Variants in NFU1 observed in about 807,000 individuals in gnomAD.
NFU1 encodes the protein NFU1 iron-sulfur cluster scaffold.
A neutral mutation model predicts 32.2 loss-of-function variants in NFU1; 30 were observed. That is an observed-to-expected ratio of 0.93 (90% confidence interval 0.70 to 1.26). The LOEUF is 1.26. Among genes scored for constraint, NFU1 ranks in the 50% most tolerant of loss-of-function variants. The probability of loss-of-function intolerance (pLI) is 0.00; values close to 1 mark genes in which losing one functional copy is unlikely to be tolerated. For missense variants in NFU1, 306 were observed against 306.6 expected, an observed-to-expected ratio of 1.00 and a Z score of 0.02; for synonymous variants, 112 against 104.6, an observed-to-expected ratio of 1.07 and a Z score of -0.43.
intron 6 of NFU1, among the ~76,000 whole-genome samples, chr2:69,404,208 T>G (rs376669600): frequency 6.6e-6 from 1 of 150,814 alleles, no homozygotes; most frequent in African/African-American, 2.4e-5. Flanking sequence ...TTGAAATATG[T>G]AGGCCGGGAG....
At chr2:69,396,664 A>G (rs534629285) in intron 7 of NFU1, among the ~76,000 whole-genome samples, 1 of 152,266 alleles carries the variant, frequency 6.6e-6, no homozygotes, top group South Asian at 2.1e-4. Flanking sequence ...AAAAAAAAAT[A>G]AAATAAAATA....
At chr2:69,429,064 A>G (rs1290611048) in intron 2 of NFU1, among the ~76,000 whole-genome samples, 1 of 152,248 alleles carries the variant, frequency 6.6e-6, no homozygotes, top group Non-Finnish European at 1.5e-5. Context: ...CATTTAAAAT[A>G]TGTATATTTC....
At chr2:69,429,016 C>A (rs1166087981) in intron 2 of NFU1, among the ~76,000 whole-genome samples, 1 of 152,038 alleles carries the variant, frequency 6.6e-6, no homozygotes, top group Non-Finnish European at 1.5e-5. Context: ...CAGACAATTC[C>A]TAAAAAATGA....
rs1177946128 is a variant in NFU1 at position 69,417,482 on chromosome 2, T to TA, written c.369+2055dup. On this transcript the variant is annotated intron_variant, in intron 4 of 7. Transcript: ENST00000410022. ...ACATAGAAGGACACTGTCTCTACAA[T>TA]AAAAAAAAATAAAAAAAAAATTAGC... 5.2e-3 allele frequency among the ~76,000 whole-genome samples: 524 copies of TA among 100,764 alleles called. 6 individuals carry two copies. The highest frequency in any genetic ancestry group is 0.021 in the African/African-American group (416 of 20,190). The allele number at this position is 100,764 out of a possible 152,430, so 66.1% of individuals were successfully genotyped here.
In NFU1 at chr2:69,431,979, T is replaced by C; in HGVS notation, c.89A>G (p.Tyr30Cys). The C allele has an allele frequency of 2.5e-6, 4 of 1,612,910 alleles. No homozygotes were observed. Among genetic ancestry groups the C allele is most frequent in the East Asian group, 2.2e-5 (1 of 44,848 alleles). Residue 30 changes from tyrosine (Y) to cysteine (C), a missense_variant, in exon 2 of 8, where the codon TAC becomes TGC. Tyr to Cys is a radical substitution (Grantham distance 194). Transcript: ENST00000410022. Reference sequence around the variant, plus strand: ...ATGCAGAGGCTGTTTCTTAATGGTGTATGGATTCTTCAACATATGACAGAA... The same window carrying C: ...ATGCAGAGGCTGTTTCTTAATGGTGCATGGATTCTTCAACATATGACAGAA... ...RRFCHMLKNP[Y>C]TIKKQPLHQF...
intron 1 of NFU1, among the ~76,000 whole-genome samples, chr2:69,432,487 T>C (rs1345946451): frequency 2.0e-5 from 3 of 152,010 alleles, no homozygotes; most frequent in Admixed American, 6.6e-5. Flanking sequence ...GGCAGGAGAA[T>C]TGCTTGAACC....
chr2:69,438,231 G>A (rs1273114290), upstream of NFU1, among the ~76,000 whole-genome samples: 2 of 151,472 alleles, frequency 1.3e-5, no homozygotes, highest in Admixed American at 6.6e-5. Context: ...GTGGGGACTA[G>A]AAATCTTTGT....
intron 2 of NFU1, 90 bp from the exon 3 acceptor site, chr2:69,423,807 GAAGT>G: frequency 1.0e-6 from 1 of 986,852 alleles, no homozygotes; most frequent in Non-Finnish European, 1.5e-6. Flanking sequence ...AGAATCAGAA[GAAGT>G]AAGAAAAACT....
intron 1 of NFU1, among the ~76,000 whole-genome samples, chr2:69,435,987 G>A (rs1486342040): frequency 2.7e-5 from 4 of 146,804 alleles, no homozygotes; most frequent in South Asian, 2.2e-4. Context: ...CAGCCAATCC[G>A]CCCAGCTTGA....
intron 5 of NFU1, among the ~76,000 whole-genome samples, chr2:69,412,146 G>GGA (rs1243384133): frequency 6.6e-6 from 1 of 150,736 alleles, no homozygotes; most frequent in Non-Finnish European, 1.5e-5. Context: ...TGCCTCCCAA[G>GGA]TTCAAGCAAT....
In NFU1 at chr2:69,401,177, A is replaced by AGTGAACACACATTT. The variant is rs1467154327; in HGVS notation, c.546-653_546-640dup. Among the ~76,000 whole-genome samples, 7 of 152,336 alleles carry AGTGAACACACATTT rather than the reference A, an allele frequency of 4.6e-5. No individual in the cohort carries two copies. The East Asian group carries it at 1.3e-3, about 29-fold the overall frequency. ...TGCACAGTTCACTAAGTTTTCACAA[A>AGTGAACACACATTT]GTGAACACACATTTATAACCACCCA... On this transcript the variant is annotated intron_variant, in intron 6 of 7. Transcript: ENST00000410022.
intron 5 of NFU1, among the ~76,000 whole-genome samples, chr2:69,406,723 C>A (rs1323781345): frequency 6.6e-6 from 1 of 152,068 alleles, no homozygotes; most frequent in Non-Finnish European, 1.5e-5. Flanking sequence ...AGGTGTGAGC[C>A]ACCACACCCA....
At chr2:69,434,096 T>G (rs535470033) in intron 1 of NFU1, among the ~76,000 whole-genome samples, 95 of 148,052 alleles carry the variant, frequency 6.4e-4, no homozygotes, top group Non-Finnish European at 1.1e-3. Context: ...TATATGCTTT[T>G]TGGATGGAAA....
rs772105664 is a variant in NFU1, at chr2:69,423,243, AGTGTGTGTGTGT to A, written c.302+327_302+338del. ...CGGGTAGAGATGGGCTCTCTGTGTG[AGTGTGTGTGTGT>A]GTGTGTGTGTGTGTGTGTGTGTGTG... On this transcript the variant is annotated intron_variant, in intron 3 of 7. Transcript: ENST00000410022. Among the ~76,000 whole-genome samples the A allele has an allele frequency of 0.17, 15,211 of 88,270 alleles. 1,118 individuals are homozygous for A. Among genetic ancestry groups the A allele is most frequent in the Non-Finnish European group, 0.18 (8,999 of 48,896 alleles). 57.9% of individuals were successfully genotyped at this position (88,270 alleles called of 152,430 possible). A position where few individuals can be genotyped will look rare whatever the true frequency, so the allele number is the denominator to read the frequency against.
At chr2:69,424,198 A>AAAAATATATATAT (rs1558840147) in intron 2 of NFU1, among the ~76,000 whole-genome samples, 3 of 74,544 alleles carry the variant, frequency 4.0e-5, no homozygotes, top group African/African-American at 1.6e-4. Flanking sequence ...AAAAAAAAAA[A>AAAAATATATATAT]ATATATATAT....
intron 1 of NFU1, among the ~76,000 whole-genome samples, chr2:69,435,038 G>T (rs1310010931): frequency 6.6e-6 from 1 of 152,216 alleles, no homozygotes; most frequent in Admixed American, 6.5e-5. Flanking sequence ...TTCTGCAGGA[G>T]TAATTGGGGA....
At chr2:69,428,944 A>G (rs377287838) in intron 2 of NFU1, among the ~76,000 whole-genome samples, 5 of 152,234 alleles carry the variant, frequency 3.3e-5, no homozygotes, top group African/African-American at 9.7e-5. Flanking sequence ...TCATGGATAA[A>G]GAAAAAAATT....
rs779608969 is a variant in NFU1 at position 69,423,719 on chromosome 2, TA to T, written c.167-3del. 6.3e-7 allele frequency: 1 copy of T among 1,589,286 alleles called. No individual in the cohort carries two copies. The highest frequency in any genetic ancestry group is 8.6e-7 in the Non-Finnish European group (1 of 1,158,190). Reference sequence around the variant, plus strand: ...GTGTTTGAATAAACATGTATCTCACTAAAAAAGAAAAAGAAGAAAATGTTAT... The same window carrying T: ...GTGTTTGAATAAACATGTATCTCACTAAAAAGAAAAAGAAGAAAATGTTAT... On this transcript the variant is annotated splice_polypyrimidine_tract_variant and splice_region_variant and intron_variant, in intron 2 of 7. Coordinates refer to ENST00000410022, the MANE Select transcript of NFU1 (RefSeq NM_001002755.4).
At chr2:69,415,366 T>A (rs1013282834) in intron 4 of NFU1, 67 bp from the exon 5 acceptor site, 16 of 840,720 alleles carry the variant, frequency 1.9e-5, no homozygotes, top group Non-Finnish European at 2.9e-5. Context: ...GAACACTACC[T>A]TATACCTCTT....
Sources: gnomAD v4.1 joint callset for allele counts (sites outside exome capture counted in the v4.1 genomes callset) on GRCh38, gnomAD v4.1.1 for gene constraint, MANE v1.5 for transcripts, NCBI Gene and HGNC (gene_info 2026-07-23, HGNC 2026-07-21) for gene names.